Variants in SV2C observed in about 807,000 individuals in gnomAD.
The protein encoded by SV2C is solute carrier family 22 member B3.
SV2C carries 49 observed loss-of-function variants against 79.7 expected under a neutral mutation model. That is an observed-to-expected ratio of 0.61 (90% CI 0.49 to 0.78). The LOEUF is 0.78. Ranked by LOEUF, SV2C falls within the 30% of genes least tolerant of loss-of-function variation. SV2C has a pLI of 0.00. For synonymous variants in SV2C, 334 were observed against 333.2 expected (o/e 1.00, Z -0.03); for missense variants, 833 against 912.9 (o/e 0.91, Z 1.13).
chr5:75,881,385 T>TG, the SV2C span, among the ~76,000 whole-genome samples: 1 of 152,200 alleles, frequency 6.6e-6, no homozygotes, highest in East Asian at 1.9e-4. Context: ...AAGTAATCCA[T>TG]AGTGTTAGCT....
intron 2 of SV2C, among the ~76,000 whole-genome samples, chr5:76,144,332 A>G (rs1038248820): frequency 5.3e-5 from 8 of 152,194 alleles, no homozygotes; most frequent in Non-Finnish European, 1.2e-4. Flanking sequence ...TCCAGATCCA[A>G]CTTACCTTGT....
chr5:75,925,930 C>T, the SV2C span, among the ~76,000 whole-genome samples: 11 of 152,082 alleles, frequency 7.2e-5, no homozygotes, highest in East Asian at 1.7e-3. Flanking sequence ...ACTTGGGTTT[C>T]GTTGGACTTT....
chr5:75,938,809 G>A, the SV2C span, among the ~76,000 whole-genome samples: 1 of 152,148 alleles, frequency 6.6e-6, no homozygotes, highest in African/African-American at 2.4e-5. Context: ...TACCAAAAAA[G>A]TAACATGTTT....
Position 76,327,990 on chromosome 5 carries a change from C to G in SV2C, c.*2443C>G, listed in dbSNP as rs1482027715. The stretch of plus-strand genomic sequence containing the variant: ...CCTAAGAGGGATCTTTTCTCATCTC[C>G]TGGACAGTCTGTGGTCACAAACCTT... On this transcript the variant is annotated 3_prime_UTR_variant, in exon 13 of 13. Coordinates refer to ENST00000502798, the MANE Select transcript of SV2C (RefSeq NM_014979.4). The G allele has an allele frequency of 6.6e-6, 1 of 152,250 alleles. No homozygotes were observed. Among genetic ancestry groups the G allele is most frequent in the Non-Finnish European group, 1.5e-5 (1 of 68,072 alleles). 9.4% of individuals were successfully genotyped at this position (152,250 alleles called of 1,614,324 possible). A position where few individuals can be genotyped will look rare whatever the true frequency, so the allele number is the denominator to read the frequency against.
At chr5:76,013,036 C>A in the SV2C span, among the ~76,000 whole-genome samples, 1 of 152,082 alleles carries the variant, frequency 6.6e-6, no homozygotes, top group Admixed American at 6.6e-5. Flanking sequence ...AGTCAGAGAG[C>A]ATGATGCCTC....
chr5:76,232,109 C>G (rs931256048), intron 4 of SV2C, among the ~76,000 whole-genome samples: 61 of 149,816 alleles, frequency 4.1e-4, no homozygotes, highest in Non-Finnish European at 3.4e-4. Context: ...GTTGTTTCCT[C>G]ACTTTTTAAT....
intron 12 of SV2C, among the ~76,000 whole-genome samples, chr5:76,302,453 C>T (rs1460609224): frequency 1.3e-5 from 2 of 151,682 alleles, no homozygotes; most frequent in African/African-American, 2.4e-5. Context: ...GGTGAAACCC[C>T]GTCTCTACTA....
chr5:76,228,601 C>T (rs1485090898), intron 4 of SV2C, among the ~76,000 whole-genome samples: 2 of 152,068 alleles, frequency 1.3e-5, no homozygotes, highest in Non-Finnish European at 2.9e-5. Context: ...GTCACTCCCC[C>T]AGGGAAAACA....
the SV2C span, among the ~76,000 whole-genome samples, chr5:75,934,298 C>CTT: frequency 0.026 from 2,239 of 86,812 alleles, 74 homozygotes; most frequent in African/African-American, 0.15. Context: ...TTTTTTCTTT[C>CTT]TTTCTTTTTT....
At chr5:76,288,970 C>T (rs554037384) in intron 6 of SV2C, among the ~76,000 whole-genome samples, 3 of 152,064 alleles carry the variant, frequency 2.0e-5, no homozygotes, top group East Asian at 3.9e-4. Flanking sequence ...GCTTCAACCT[C>T]CCTGGCTCAG....
chr5:76,192,803 G>T (rs974465049), intron 2 of SV2C, among the ~76,000 whole-genome samples: 6 of 152,144 alleles, frequency 3.9e-5, no homozygotes, highest in Non-Finnish European at 8.8e-5. Context: ...AGTCACAAAA[G>T]ATTACTACCT....
the SV2C span, among the ~76,000 whole-genome samples, chr5:75,972,843 T>C: frequency 2.0e-5 from 3 of 152,062 alleles, no homozygotes; most frequent in Admixed American, 6.5e-5. Context: ...ACCCAAAGGA[T>C]TATAAATCAT....
the SV2C span, among the ~76,000 whole-genome samples, chr5:76,061,561 G>T: frequency 6.6e-6 from 1 of 152,054 alleles, no homozygotes; most frequent in Admixed American, 6.6e-5. Flanking sequence ...GTCAGATAAA[G>T]ATAAAATTCT....
At chr5:75,984,567 A>ATCTATCTCTATCTATC in the SV2C span, among the ~76,000 whole-genome samples, 101 of 102,922 alleles carry the variant, frequency 9.8e-4, 1 homozygote, top group Middle Eastern at 5.5e-3. Context: ...CTATCTATCT[A>ATCTATCTCTATCTATC]TATCTATCTA....
the SV2C span, among the ~76,000 whole-genome samples, chr5:75,954,860 G>A: frequency 1.4e-5 from 2 of 141,980 alleles, no homozygotes; most frequent in Admixed American, 1.4e-4. Flanking sequence ...CCTCTTCAAG[G>A]AGAACTACAA....
At chr5:76,093,682 C>A (rs1352663596) in intron 1 of SV2C, among the ~76,000 whole-genome samples, 1 of 152,208 alleles carries the variant, frequency 6.6e-6, no homozygotes, top group Non-Finnish European at 1.5e-5. Context: ...CCTCTATCAG[C>A]TGGCTTCTGA....
At chr5:76,135,174 G>C (rs1465525650) in intron 2 of SV2C, among the ~76,000 whole-genome samples, 1 of 152,196 alleles carries the variant, frequency 6.6e-6, no homozygotes, top group Non-Finnish European at 1.5e-5. Flanking sequence ...ACCAATTAAT[G>C]AAAGAATGGC....
chr5:76,217,602 A>G (rs531852523), intron 4 of SV2C, among the ~76,000 whole-genome samples: 3 of 152,336 alleles, frequency 2.0e-5, no homozygotes, highest in Admixed American at 6.5e-5. Context: ...TTGATGCTCA[A>G]AAATGGTAGC....
the SV2C span, among the ~76,000 whole-genome samples, chr5:75,913,419 A>T: frequency 1.3e-5 from 2 of 152,200 alleles, no homozygotes; most frequent in East Asian, 3.8e-4. Flanking sequence ...TCAGGGTCCC[A>T]GGCAGGTGAG....
Sources: allele counts gnomAD v4.1 joint callset (sites outside exome capture counted in the v4.1 genomes callset), GRCh38; gene constraint gnomAD v4.1.1; transcripts MANE v1.5; gene names NCBI Gene and HGNC (gene_info 2026-07-23, HGNC 2026-07-21).